Variants in RUFY3 observed in about 807,000 individuals in gnomAD.
RUFY3 encodes the protein protein RUFY3.
In RUFY3, 34 loss-of-function variants were observed where a neutral mutation model predicts 84.0. The ratio of observed to expected loss-of-function variants is 0.40; its 90% CI spans 0.31 to 0.54. RUFY3 has a LOEUF of 0.54. Ranked by LOEUF, RUFY3 falls within the 20% of genes least tolerant of loss-of-function variation. The pLI is 0.39. For missense variants in RUFY3, 507 were observed against 736.8 expected (o/e 0.69, Z 3.61); for synonymous variants, 242 against 252.9 (o/e 0.96, Z 0.41).
At chr4:70,779,242 A>G (rs1578190009) in intron 8 of RUFY3, among the ~76,000 whole-genome samples, 1 of 152,150 alleles carries the variant, frequency 6.6e-6, no homozygotes, top group East Asian at 1.9e-4. Flanking sequence ...CTGCCTACAA[A>G]TCATGCTTAT....
At chr4:70,730,664 G>A (rs993605428) in intron 1 of RUFY3, among the ~76,000 whole-genome samples, 2 of 151,976 alleles carry the variant, frequency 1.3e-5, no homozygotes, top group Non-Finnish European at 2.9e-5. Context: ...ACTTGAACCT[G>A]GGAGACAGAG....
At chr4:70,769,457 TAACA>T (rs1433299344) in intron 5 of RUFY3, among the ~76,000 whole-genome samples, 3 of 152,252 alleles carry the variant, frequency 2.0e-5, no homozygotes, top group African/African-American at 7.2e-5. Context: ...AAAAAAATGC[TAACA>T]ATCACCTGAG....
chr4:70,737,694 T>C (rs1289651566), intron 1 of RUFY3, among the ~76,000 whole-genome samples: 4 of 148,688 alleles, frequency 2.7e-5, no homozygotes, highest in Non-Finnish European at 4.5e-5. Context: ...TTTTTTTTTT[T>C]GAGATAGGGT....
At chr4:70,705,040 C>A in exon 1 of RUFY3, 5 of 1,227,056 alleles carry the variant, frequency 4.1e-6, no homozygotes, top group Non-Finnish European at 5.1e-6. Context: ...CGCGCTCCCG[C>A]CGGGGGCACG....
intron 1 of RUFY3, among the ~76,000 whole-genome samples, chr4:70,752,621 A>G (rs75040363): frequency 0.03 from 4,607 of 152,266 alleles, 169 homozygotes; most frequent in East Asian, 0.16. Context: ...TTTATCATTA[A>G]TGGATATTGG....
At chr4:70,789,836 CTG>C (rs1730524704) in intron 12 of RUFY3, 1 of 1,146,832 alleles carries the variant, frequency 8.7e-7, no homozygotes, top group African/African-American at 1.6e-5. Flanking sequence ...CCTTTTATGA[CTG>C]TTTTGAACAT....
intron 14 of RUFY3, among the ~76,000 whole-genome samples, chr4:70,795,590 C>T (rs1731399753): frequency 6.6e-6 from 1 of 151,974 alleles, no homozygotes; most frequent in Non-Finnish European, 1.5e-5. Context: ...TCTGTGTGTA[C>T]ATATTATACA....
chr4:70,800,043 C>A, intron 14 of RUFY3, 98 bp from the exon 15 acceptor site: 1 of 1,135,498 alleles, frequency 8.8e-7, no homozygotes, highest in Non-Finnish European at 1.3e-6. Flanking sequence ...AGCTACTTAG[C>A]TTTATACCCA....
chr4:70,750,013 T>TA (rs1026226397), intron 1 of RUFY3, among the ~76,000 whole-genome samples: 5 of 151,842 alleles, frequency 3.3e-5, no homozygotes, highest in African/African-American at 1.2e-4. Context: ...TTTTTTTTTT[T>TA]TAAAGAGACA....
In RUFY3 at chr4:70,775,171, C is replaced by T. The variant is rs371074089; in HGVS notation, c.762C>T (p.Asp254=). The change falls in exon 7 of 18, where the codon GAC becomes GAT. Residue 254 remains aspartate (D), a synonymous_variant. Coordinates refer to ENST00000381006, the MANE Select transcript of RUFY3 (RefSeq NM_001037442.4). The part of the protein sequence containing the change: ...DGNSSKGTEG[D]GQITAILDQK... Reference sequence around the variant, plus strand: ...TATTTTCTTCCCCTTCCCCCAGAGACGGTCAGATTACTGCAATTCTGGACC... The same window carrying T: ...TATTTTCTTCCCCTTCCCCCAGAGATGGTCAGATTACTGCAATTCTGGACC... The T allele has an allele frequency of 1.1e-5, 17 of 1,594,344 alleles. No individual in the cohort carries two copies. Among genetic ancestry groups the T allele is most frequent in the African/African-American group, 5.4e-5 (4 of 74,202 alleles).
chr4:70,781,028 C>T (rs1175699295), intron 8 of RUFY3, among the ~76,000 whole-genome samples: 1 of 150,302 alleles, frequency 6.7e-6, no homozygotes, highest in Non-Finnish European at 1.5e-5. Context: ...GTGGGTGGAT[C>T]GCTTGAGGCC....
chr4:70,710,700 G>GT (rs756496629), intron 1 of RUFY3, among the ~76,000 whole-genome samples: 12 of 151,786 alleles, frequency 7.9e-5, no homozygotes, highest in Non-Finnish European at 1.5e-4. Flanking sequence ...AAAGAAAACA[G>GT]TATACCTGGT....
At chr4:70,728,881 CTT>C (rs773797760) in intron 1 of RUFY3, among the ~76,000 whole-genome samples, 36 of 129,366 alleles carry the variant, frequency 2.8e-4, no homozygotes, top group Admixed American at 3.1e-4. Flanking sequence ...TTGGATATTT[CTT>C]TTTTTTTTTT....
Position 70,747,090 on chromosome 4 carries a change from C to A in RUFY3, c.179-15429C>A, listed in dbSNP as rs1385162608. ...TGGTATCTCTCGATATTATTTCTTA[C>A]AATTTCATGTGATTCCTCAATTATC... On this transcript the variant is annotated intron_variant, in intron 1 of 17. Coordinates refer to ENST00000381006, the MANE Select transcript of RUFY3 (RefSeq NM_001037442.4). Among the ~76,000 whole-genome samples, 9 of 152,316 alleles carry A rather than the reference C, an allele frequency of 5.9e-5. No homozygotes were observed. In the South Asian group the frequency reaches 1.0e-3, roughly 18 times the overall value.
chr4:70,789,434 T>C (rs1279862004), intron 11 of RUFY3, 61 bp from the exon 12 acceptor site: 19 of 1,390,038 alleles, frequency 1.4e-5, no homozygotes, highest in Non-Finnish European at 1.8e-5. Flanking sequence ...TCAAAAGGCA[T>C]GTGTGGTTGT....
chr4:70,753,734 T>TAA (rs1723514724), intron 1 of RUFY3, among the ~76,000 whole-genome samples: 2 of 152,330 alleles, frequency 1.3e-5, no homozygotes, highest in Admixed American at 1.3e-4. Flanking sequence ...AACATGTCAT[T>TAA]TCTCTGGTTC....
At chr4:70,728,383 A>G (rs984552765) in intron 1 of RUFY3, among the ~76,000 whole-genome samples, 1 of 152,188 alleles carries the variant, frequency 6.6e-6, no homozygotes, top group Non-Finnish European at 1.5e-5. Context: ...CACCTGGCGT[A>G]TTGCTAGCTC....
intron 1 of RUFY3, among the ~76,000 whole-genome samples, chr4:70,707,562 T>G (rs77867936): frequency 6.6e-6 from 1 of 152,084 alleles, no homozygotes; most frequent in African/African-American, 2.4e-5. Context: ...GTGTTTTTTG[T>G]TACCACGTAA....
chr4:70,722,787 C>T, intron 1 of RUFY3, 36 bp downstream of exon 1: 1 of 1,590,490 alleles, frequency 6.3e-7, no homozygotes, highest in Non-Finnish European at 8.6e-7. Flanking sequence ...ATTTCACCAG[C>T]ATCCTCATTG....
Sources: allele counts gnomAD v4.1 joint callset (sites outside exome capture counted in the v4.1 genomes callset), GRCh38; gene constraint gnomAD v4.1.1; transcripts MANE v1.5; gene names NCBI Gene and HGNC (gene_info 2026-07-23, HGNC 2026-07-21).